Variants in XPO5 observed in about 807,000 individuals in gnomAD.
XPO5 encodes exportin 5, also known as exportin-5.
Under a neutral mutation model 160.6 loss-of-function variants are expected in XPO5, and 46 were observed. The observed-to-expected ratio is 0.29, with a 90% CI of 0.23 to 0.37. XPO5 has a LOEUF of 0.37. Among genes scored for constraint, XPO5 ranks in the 10% least tolerant of loss-of-function variants. The pLI, the probability that XPO5 is intolerant of heterozygous loss-of-function variation, is 1.00. For synonymous variants in XPO5, 537 were observed against 519.3 expected, an observed-to-expected ratio of 1.03 and a Z score of -0.46; for missense variants, 1,090 against 1,463.9, an observed-to-expected ratio of 0.74 and a Z score of 4.17.
chr6:43,558,057 T>C (rs1762200342), intron 12 of XPO5, among the ~76,000 whole-genome samples: 2 of 150,724 alleles, frequency 1.3e-5, no homozygotes, highest in Non-Finnish European at 2.9e-5. Flanking sequence ...ATCGCGCCAT[T>C]GCACTCCAGC....
intron 8 of XPO5, among the ~76,000 whole-genome samples, chr6:43,565,392 C>T (rs1762644437): frequency 6.6e-6 from 1 of 151,698 alleles, no homozygotes; most frequent in Non-Finnish European, 1.5e-5. Context: ...CACGGCAAAA[C>T]CCTGTCTCTA....
intron 12 of XPO5, chr6:43,556,165 C>T (rs1762075639): frequency 1.7e-6 from 1 of 594,436 alleles, no homozygotes; most frequent in South Asian, 2.6e-5. Flanking sequence ...TCTCTGGAAA[C>T]TGTATTACCA....
intron 20 of XPO5, chr6:43,539,853 A>C: frequency 2.0e-6 from 1 of 500,008 alleles, no homozygotes; most frequent in Non-Finnish European, 3.5e-6. Flanking sequence ...AACTACTACC[A>C]ATATAATTAA....
chr6:43,537,136 A>C (rs904145269), intron 20 of XPO5, among the ~76,000 whole-genome samples: 3 of 138,328 alleles, frequency 2.2e-5, no homozygotes, highest in Non-Finnish European at 4.6e-5. Context: ...GTGAATAATT[A>C]AAACTTTTTT....
Position 43,539,250 on chromosome 6 carries a change from G to A in XPO5, c.2343-5243C>T, listed in dbSNP as rs945313167. ...AGCTTGGCCAGGATGATGGCCCCAC[G>A]GGTGGCGGTGGCCACCTCCTTGGAG... On this transcript the variant is annotated intron_variant, in intron 20 of 31. Coordinates refer to ENST00000265351, the MANE Select transcript of XPO5 (RefSeq NM_020750.3). The A allele has an allele frequency of 1.8e-5, 24 of 1,367,402 alleles. 1 individual carries two copies. The highest frequency in any genetic ancestry group is 8.7e-5 in the Admixed American group (5 of 57,424). 84.7% of individuals were successfully genotyped at this position (1,367,402 alleles called of 1,614,324 possible).
rs1355422014 is a variant in XPO5 at position 43,555,857 on chromosome 6, G to T, written c.1420C>A (p.Leu474Ile). The T allele has an allele frequency of 1.2e-6, 2 of 1,613,842 alleles. No homozygotes were observed. The highest frequency in any genetic ancestry group is 1.7e-5 in the Admixed American group (1 of 59,976). The change falls in exon 13 of 32, where the codon CTT (leucine) becomes ATT (isoleucine). Residue 474 changes from leucine to isoleucine, a missense_variant. Leu to Ile is a conservative substitution (Grantham distance 5). Transcript: ENST00000265351. ...TTACAATTCACAGAACCAGCATCAAGAAAAGTTGATAGTTGATACTTTAGC... is the reference window on the plus strand; with the variant it reads ...TTACAATTCACAGAACCAGCATCAATAAAAGTTGATAGTTGATACTTTAGC... ...EWLKYQLSTF[L>I]DAGSVNSCSA... is the part of the protein sequence containing the mutation.
At chr6:43,528,616 A>G (rs1793747737) in intron 24 of XPO5, among the ~76,000 whole-genome samples, 1 of 152,156 alleles carries the variant, frequency 6.6e-6, no homozygotes, top group Non-Finnish European at 1.5e-5. Flanking sequence ...AGAATCTGCA[A>G]CTGAAGCTGT....
Position 43,549,596 on chromosome 6 carries a change from A to G in XPO5, c.1771-18T>C, listed in dbSNP as rs763678468. On this transcript the variant is annotated intron_variant, in intron 16 of 31. Coordinates refer to ENST00000265351, the MANE Select transcript of XPO5 (RefSeq NM_020750.3). ...CTGGGGGCCTGAAAAGAGACATTCAACAAACTCGGAGCTGCTTTTAATATA... is the reference window on the plus strand; with the variant it reads ...CTGGGGGCCTGAAAAGAGACATTCAGCAAACTCGGAGCTGCTTTTAATATA... 1 of 1,610,408 alleles carries G rather than the reference A, an allele frequency of 6.2e-7. No individual in the cohort carries two copies. Among genetic ancestry groups the G allele is most frequent in the South Asian group, 1.1e-5 (1 of 90,566 alleles).
In XPO5 at chr6:43,548,422, G is replaced by C. The variant is rs770882228; in HGVS notation, c.1899C>G (p.Leu633=). ...GTGTCAGGAGTAGCTCATTGGAGAG[G>C]AGTTGCTTCACATGGTTATAAAGCA... ...FDMLYNHVKQ[L]LSNELLLTQM... Residue 633 remains leucine, a synonymous_variant, in exon 18 of 32, where the codon CTC becomes CTG. Coordinates refer to ENST00000265351, the MANE Select transcript of XPO5 (RefSeq NM_020750.3). The C allele has an allele frequency of 6.2e-7, 1 of 1,604,430 alleles. No homozygotes were observed. Among genetic ancestry groups the C allele is most frequent in the Non-Finnish European group, 8.5e-7 (1 of 1,173,694 alleles).
intron 3 of XPO5, among the ~76,000 whole-genome samples, chr6:43,571,528 C>T (rs186670862): frequency 1.2e-4 from 19 of 152,244 alleles, no homozygotes; most frequent in East Asian, 9.7e-4. Flanking sequence ...GACAGTCATC[C>T]AGTCATCACA....
rs1196722311 is a variant in XPO5, at chr6:43,555,771, T to C, written c.1441+65A>G. The C allele has an allele frequency of 7.5e-6, 12 of 1,595,408 alleles. No individual in the cohort carries two copies. The East Asian group carries it at 2.5e-4, about 33-fold the overall frequency. ...TGATGTGTGTATAGCTCAGGCTCATTTCCTATATATAGTTTTGATACTGTC... is the reference window on the plus strand; with the variant it reads ...TGATGTGTGTATAGCTCAGGCTCATCTCCTATATATAGTTTTGATACTGTC... On this transcript the variant is annotated intron_variant, in intron 13 of 31. Coordinates refer to ENST00000265351, the MANE Select transcript of XPO5 (RefSeq NM_020750.3).
At chr6:43,560,834 A>T in intron 10 of XPO5, 90 bp downstream of exon 10, 1 of 1,101,752 alleles carries the variant, frequency 9.1e-7, no homozygotes, top group Non-Finnish European at 1.4e-6. Flanking sequence ...GTCACATTTT[A>T]TACATGATCT....
chr6:43,538,137 A>G (rs1794460100), intron 20 of XPO5, among the ~76,000 whole-genome samples: 1 of 105,634 alleles, frequency 9.5e-6, no homozygotes, highest in Admixed American at 1.0e-4. Context: ...CCTAAGAGAC[A>G]TCTTTTTTTT....
chr6:43,550,130 A>G (rs767220990), intron 15 of XPO5, among the ~76,000 whole-genome samples, 196 bp from the exon 16 acceptor site: 2 of 152,190 alleles, frequency 1.3e-5, no homozygotes, highest in Non-Finnish European at 2.9e-5. Context: ...GAGTCATCGG[A>G]GTCACAATTT....
intron 20 of XPO5, among the ~76,000 whole-genome samples, chr6:43,540,444 A>C (rs1794631852): frequency 6.6e-6 from 1 of 152,018 alleles, no homozygotes; most frequent in Non-Finnish European, 1.5e-5. Context: ...GCGCCACTGC[A>C]CTCCAGCCTG....
Position 43,553,354 on chromosome 6 carries a change from A to G in XPO5, c.1572+19T>C, listed in dbSNP as rs1795344230. 1.2e-6 allele frequency: 2 copies of G among 1,601,412 alleles called. No individual in the cohort carries two copies. The highest frequency in any genetic ancestry group is 1.7e-6 in the Non-Finnish European group (2 of 1,173,856). On this transcript the variant is annotated intron_variant, in intron 14 of 31. Coordinates refer to ENST00000265351, the MANE Select transcript of XPO5 (RefSeq NM_020750.3). ...AGGTCAAAATAATCATGCAGTCAGC[A>G]TGGGAAATAATTACTTACTTCTCTA...
At chr6:43,524,110 G>A in intron 31 of XPO5, 105 bp from the exon 32 acceptor site, 2 of 1,480,996 alleles carry the variant, frequency 1.4e-6, no homozygotes, top group Non-Finnish European at 1.8e-6. Context: ...CAACACTTTT[G>A]GGAGGCCAAG....
In XPO5 at chr6:43,573,423, T is replaced by C. The variant is rs984056506; in HGVS notation, c.227+57A>G. The C allele has an allele frequency of 1.9e-6, 3 of 1,602,834 alleles. 1 individual carries two copies. Among genetic ancestry groups the C allele is most frequent in the Middle Eastern group, 1.7e-4 (1 of 6,012 alleles). On this transcript the variant is annotated intron_variant, in intron 2 of 31. Transcript: ENST00000265351. The stretch of plus-strand genomic sequence containing the variant: ...CTAAACAGCATCTCTATAGGTTATA[T>C]AAGATATAAAGATCTGTTCTCTCAG...
intron 21 of XPO5, among the ~76,000 whole-genome samples, chr6:43,531,781 G>C (rs1000137217): frequency 1.3e-5 from 2 of 151,792 alleles, no homozygotes; most frequent in Non-Finnish European, 2.9e-5. Flanking sequence ...TTTAGACCCG[G>C]GTACTCTTTT....
Sources: allele counts gnomAD v4.1 joint callset (sites outside exome capture counted in the v4.1 genomes callset), GRCh38; gene constraint gnomAD v4.1.1; transcripts MANE v1.5; gene names NCBI Gene and HGNC (gene_info 2026-07-23, HGNC 2026-07-21).